Variants in SOX5 observed in about 807,000 individuals in gnomAD.
SOX5 encodes SRY-box transcription factor 5.
In SOX5, 9 loss-of-function variants were observed where a neutral mutation model predicts 92.0. That is an observed-to-expected ratio of 0.10 (90% CI 0.06 to 0.17). SOX5 has a LOEUF of 0.17. SOX5 is among the 10% of genes least tolerant of loss of function. SOX5 has a pLI of 1.00. For synonymous variants in SOX5, 344 were observed against 336.3 expected (o/e 1.02, Z -0.25); for missense variants, 642 against 944.5 (o/e 0.68, Z 4.20).
Position 23,534,459 on chromosome 12 carries a change from A to T in SOX5, c.2052T>A (p.Ala684=). The change falls in exon 15 of 15, where the codon GCT becomes GCA. Residue 684 remains alanine (A), a synonymous_variant. Transcript: ENST00000451604. ...AGGGCAGGTGAGGGGAGGGCATCCCAGCCATGGCGATGGCTCCAGGGTACA... is the reference window on the plus strand; with the variant it reads ...AGGGCAGGTGAGGGGAGGGCATCCCTGCCATGGCGATGGCTCCAGGGTACA... ...GVVYPGAIAM[A]GMPSPHLPSE... 1.2e-6 allele frequency: 2 copies of T among 1,614,056 alleles called. No individual in the cohort carries two copies. The highest frequency in any genetic ancestry group is 1.7e-6 in the Non-Finnish European group (2 of 1,179,998).
chr12:24,251,748 T>A (rs1940106330), intron 3 of SOX5, among the ~76,000 whole-genome samples: 1 of 151,852 alleles, frequency 6.6e-6, no homozygotes, highest in African/African-American at 2.4e-5. Context: ...ATTTTTGTAT[T>A]TTTAGTAGAG....
intron 4 of SOX5, among the ~76,000 whole-genome samples, chr12:23,996,463 C>T (rs1209676882): frequency 6.6e-6 from 1 of 152,118 alleles, no homozygotes; most frequent in South Asian, 2.1e-4. Flanking sequence ...TAGAGTTACT[C>T]AGCAATCCTG....
intron 1 of SOX5, among the ~76,000 whole-genome samples, chr12:24,553,445 G>A (rs1471097467): frequency 2.6e-5 from 4 of 152,226 alleles, no homozygotes; most frequent in African/African-American, 4.8e-5. Flanking sequence ...CTTCCCCATC[G>A]TGCAGGGCTG....
intron 3 of SOX5, among the ~76,000 whole-genome samples, chr12:23,805,432 GA>G (rs935445106): frequency 8.0e-5 from 12 of 149,626 alleles, no homozygotes; most frequent in East Asian, 3.9e-4. Context: ...CGCAATGCCT[GA>G]AAAAAAAACA....
At chr12:24,549,946 A>G (rs1472617768) in intron 1 of SOX5, among the ~76,000 whole-genome samples, 1 of 152,182 alleles carries the variant, frequency 6.6e-6, no homozygotes, top group Non-Finnish European at 1.5e-5. Flanking sequence ...TGAATATAGA[A>G]GAAAGGGGAA....
At chr12:24,509,110 A>T (rs527384409) in intron 1 of SOX5, among the ~76,000 whole-genome samples, 1 of 152,230 alleles carries the variant, frequency 6.6e-6, no homozygotes, top group Non-Finnish European at 1.5e-5. Flanking sequence ...TCAGTAGACA[A>T]TGCCACTATT....
intron 4 of SOX5, among the ~76,000 whole-genome samples, chr12:24,149,330 A>G (rs538786924): frequency 6.6e-6 from 1 of 152,182 alleles, no homozygotes; most frequent in Middle Eastern, 3.2e-3. Context: ...ATCCGAAAAT[A>G]TATAAAAGAC....
chr12:23,698,743 TG>T (rs1269576893), intron 6 of SOX5, among the ~76,000 whole-genome samples: 1 of 152,184 alleles, frequency 6.6e-6, no homozygotes, highest in Non-Finnish European at 1.5e-5. Context: ...GTAATCTATT[TG>T]GGGGGTTGTT....
chr12:24,165,241 A>G (rs1281801364), intron 4 of SOX5, among the ~76,000 whole-genome samples: 2 of 152,102 alleles, frequency 1.3e-5, no homozygotes, highest in African/African-American at 4.8e-5. Flanking sequence ...TATAACAAAC[A>G]TTTGCTGAGT....
intron 4 of SOX5, among the ~76,000 whole-genome samples, chr12:23,746,316 G>A (rs1228249603): frequency 6.6e-6 from 1 of 152,000 alleles, no homozygotes; most frequent in Non-Finnish European, 1.5e-5. Flanking sequence ...CAGCAAAAAG[G>A]AGCTACTCTT....
chr12:24,265,855 G>A (rs946865612), intron 3 of SOX5, among the ~76,000 whole-genome samples: 5 of 152,088 alleles, frequency 3.3e-5, no homozygotes, highest in African/African-American at 1.2e-4. Flanking sequence ...TTATTTTTCA[G>A]TAAAATTAAT....
At chr12:23,808,140 T>C (rs888812954) in intron 3 of SOX5, among the ~76,000 whole-genome samples, 4 of 151,988 alleles carry the variant, frequency 2.6e-5, no homozygotes, top group Non-Finnish European at 5.9e-5. Context: ...TATTTTTATA[T>C]GAACAAGCAT....
intron 4 of SOX5, among the ~76,000 whole-genome samples, chr12:23,747,436 C>A (rs950700782): frequency 3.9e-5 from 6 of 152,134 alleles, no homozygotes; most frequent in African/African-American, 1.4e-4. Flanking sequence ...CTTTATTCTG[C>A]ACATGGAATA....
intron 1 of SOX5, among the ~76,000 whole-genome samples, chr12:24,407,900 T>G (rs1414654841): frequency 6.6e-6 from 1 of 152,216 alleles, no homozygotes; most frequent in Non-Finnish European, 1.5e-5. Context: ...CTTGGAATTT[T>G]TTAAAGCGTC....
chr12:24,337,402 G>C (rs753172476), intron 2 of SOX5, among the ~76,000 whole-genome samples: 1 of 150,826 alleles, frequency 6.6e-6, no homozygotes, highest in Non-Finnish European at 1.5e-5. Context: ...GTGCAGTGGC[G>C]TGATCTTGGT....
At chr12:24,234,223 G>A (rs947433461) in intron 3 of SOX5, among the ~76,000 whole-genome samples, 7 of 152,136 alleles carry the variant, frequency 4.6e-5, no homozygotes, top group South Asian at 2.1e-4. Flanking sequence ...AATCATATTC[G>A]ATCATTTATT....
At chr12:23,825,477 G>T (rs1293465984) in intron 3 of SOX5, among the ~76,000 whole-genome samples, 1 of 152,204 alleles carries the variant, frequency 6.6e-6, no homozygotes. Context: ...CACCTTCTGC[G>T]TTGGTCTGGA....
At chr12:23,651,993 A>G (rs2081630541) in intron 7 of SOX5, among the ~76,000 whole-genome samples, 1 of 151,996 alleles carries the variant, frequency 6.6e-6, no homozygotes, top group Non-Finnish European at 1.5e-5. Context: ...ATTACCTCCT[A>G]TCCTAAAAAA....
chr12:24,535,891 C>T (rs919695653), intron 1 of SOX5, among the ~76,000 whole-genome samples: 20 of 151,928 alleles, frequency 1.3e-4, no homozygotes, highest in African/African-American at 4.1e-4. Context: ...GCTTCCCCCG[C>T]CCCACCACCC....
Sources: allele counts gnomAD v4.1 joint callset (sites outside exome capture counted in the v4.1 genomes callset), GRCh38; gene constraint gnomAD v4.1.1; transcripts MANE v1.5; gene names NCBI Gene and HGNC (gene_info 2026-07-23, HGNC 2026-07-21).